The following SRGAP2B variants were observed in gnomAD, a reference collection of about 807,000 sequenced individuals.
The protein encoded by SRGAP2B is SLIT-ROBO Rho GTPase-activating protein 2B.
In SRGAP2B, 9 loss-of-function variants were observed where a neutral mutation model predicts 22.2. The ratio of observed to expected loss-of-function variants is 0.41; its 90% CI spans 0.24 to 0.71. The LOEUF (loss-of-function observed/expected upper bound fraction) is 0.71. SRGAP2B is among the 30% of genes least tolerant of loss of function. The probability of loss-of-function intolerance (pLI) is 0.35; values close to 1 mark genes in which losing one functional copy is unlikely to be tolerated. For synonymous variants in SRGAP2B, 36 were observed against 87.4 expected, an observed-to-expected ratio of 0.41 and a Z score of 3.28; for missense variants, 114 against 235.8, an observed-to-expected ratio of 0.48 and a Z score of 3.38.
At chr1:145,085,134 G>C (rs1308189249) in intron 2 of SRGAP2B, among the ~76,000 whole-genome samples, 1 of 151,684 alleles carries the variant, frequency 6.6e-6, no homozygotes, top group Admixed American at 6.6e-5. Context: ...TAGAGATGAG[G>C]TTTTGCCATG....
chr1:144,921,269 CAAAAAAAAAAAA>C (rs3975927), intron 4 of SRGAP2B, among the ~76,000 whole-genome samples: 1 of 62,304 alleles, frequency 1.6e-5, no homozygotes. Context: ...TCTAGCTTGC[CAAAAAAAAAAAA>C]AAAAAAAAAA....
At position 144,951,164 on chromosome 1, in the gene SRGAP2B, G is replaced by T. The variant is rs868911890; in HGVS notation, c.423+4275C>A. On this transcript the variant is annotated intron_variant, in intron 4 of 9. Coordinates refer to ENST00000612199, the Ensembl canonical transcript of SRGAP2B. ...CTCCCAGCCCTCTGTTTTGTTTTTT[G>T]TTTTTTGTTTTTTGTTTTTTTTTTT... Among the ~76,000 whole-genome samples the T allele has an allele frequency of 4.4e-4, 65 of 149,382 alleles. 3 individuals carry two copies. The South Asian group carries it at 4.6e-3, about 11-fold the overall frequency.
chr1:144,975,203 C>G lies in SRGAP2B; in HGVS notation c.261-19602G>C, dbSNP rs1246512896. On this transcript the variant is annotated intron_variant, in intron 3 of 9. Coordinates refer to ENST00000612199, the Ensembl canonical transcript of SRGAP2B. The stretch of plus-strand genomic sequence containing the variant: ...GGTTTGGCAGTGAGAAATGTCAAGA[C>G]CCCATTCCGGAGAGGAAAACATTAA... Among the ~76,000 whole-genome samples the G allele has an allele frequency of 4.0e-5, 6 of 148,984 alleles. 1 individual carries two copies. The highest frequency in any genetic ancestry group is 7.4e-5 in the Non-Finnish European group (5 of 67,892).
At chr1:144,931,249 T>TA (rs1665158951) in intron 4 of SRGAP2B, among the ~76,000 whole-genome samples, 1 of 150,192 alleles carries the variant, frequency 6.7e-6, no homozygotes, top group Non-Finnish European at 1.5e-5. Flanking sequence ...ACTTAGTACT[T>TA]ACAGACGCTA....
chr1:145,017,294 T>C (rs1672498279), intron 2 of SRGAP2B, among the ~76,000 whole-genome samples: 1 of 150,186 alleles, frequency 6.7e-6, no homozygotes, highest in South Asian at 2.1e-4. Context: ...TGGTTTTAAA[T>C]TATTTTACAG....
At chr1:145,015,616 G>C (rs1231559038) in intron 2 of SRGAP2B, among the ~76,000 whole-genome samples, 3 of 150,318 alleles carry the variant, frequency 2.0e-5, no homozygotes, top group Admixed American at 1.3e-4. Context: ...GGCTCGCAGA[G>C]GAGCTAGACG....
chr1:144,994,600 G>C (rs1242204619), intron 3 of SRGAP2B, among the ~76,000 whole-genome samples: 2 of 148,670 alleles, frequency 1.3e-5, no homozygotes, highest in African/African-American at 5.1e-5. Context: ...GAGAGAGAGA[G>C]AGAGAGAGAG....
intron 5 of SRGAP2B, among the ~76,000 whole-genome samples, chr1:144,911,977 G>A (rs1398216286): frequency 1.5e-5 from 2 of 130,908 alleles, no homozygotes; most frequent in African/African-American, 6.3e-5. Context: ...TTGAGACAGA[G>A]TCTCGCTCTG....
chr1:144,932,580 A>G (rs1375073871), intron 4 of SRGAP2B, among the ~76,000 whole-genome samples: 14 of 146,802 alleles, frequency 9.5e-5, no homozygotes, highest in African/African-American at 3.7e-4. Flanking sequence ...GTATGTTTTT[A>G]TAATTTTTAG....
chr1:145,041,075 GTATATATATA>G (rs370443273), intron 2 of SRGAP2B, among the ~76,000 whole-genome samples: 7 of 76,470 alleles, frequency 9.2e-5, no homozygotes, highest in African/African-American at 2.9e-4. Context: ...TATATATATA[GTATATATATA>G]TATATATATA....
At chr1:144,925,639 GA>G (rs1316512977) in intron 4 of SRGAP2B, among the ~76,000 whole-genome samples, 1,498 of 56,516 alleles carry the variant, frequency 0.027, 25 homozygotes, top group Non-Finnish European at 0.039. Flanking sequence ...GCAAGACTCA[GA>G]AAAAAAAAAA....
At chr1:144,984,534 C>T (rs1482869313) in intron 3 of SRGAP2B, among the ~76,000 whole-genome samples, 4 of 150,514 alleles carry the variant, frequency 2.7e-5, no homozygotes, top group African/African-American at 7.5e-5. Context: ...TCTTCCTGCA[C>T]CAGGTGCTTT....
intron 2 of SRGAP2B, among the ~76,000 whole-genome samples, chr1:145,075,876 T>A (rs1652451254): frequency 6.7e-6 from 1 of 149,218 alleles, no homozygotes; most frequent in Non-Finnish European, 1.5e-5. Flanking sequence ...TCACTTGAGG[T>A]CAGGAGTTCA....
intron 4 of SRGAP2B, among the ~76,000 whole-genome samples, chr1:144,920,886 C>G (rs1257348854): frequency 6.7e-6 from 1 of 150,212 alleles, no homozygotes; most frequent in African/African-American, 2.5e-5. Context: ...AAATAACTTG[C>G]CGTCTTGAAG....
intron 2 of SRGAP2B, among the ~76,000 whole-genome samples, chr1:144,997,454 C>A (rs1553618659): frequency 2.7e-5 from 4 of 149,522 alleles, no homozygotes; most frequent in Non-Finnish European, 5.9e-5. Flanking sequence ...AAAAAAGAAC[C>A]AAGGCGTTTT....
rs1553612241 is a variant in SRGAP2B at position 144,966,337 on chromosome 1, C to T, written c.261-10736G>A. Among the ~76,000 whole-genome samples, 4 of 149,586 alleles carry T rather than the reference C, an allele frequency of 2.7e-5. 1 individual carries two copies. The highest frequency in any genetic ancestry group is 1.0e-4 in the African/African-American group (4 of 39,238). ...CCAGAAGAGAGTGGGGGCCAATATT[C>T]AACATTCTTAAAGAAAAGAATTTTC... On this transcript the variant is annotated intron_variant, in intron 3 of 9. Coordinates refer to ENST00000612199, the Ensembl canonical transcript of SRGAP2B.
chr1:144,975,135 C>G (rs1335564486), intron 3 of SRGAP2B, among the ~76,000 whole-genome samples: 1 of 149,690 alleles, frequency 6.7e-6, no homozygotes, highest in Non-Finnish European at 1.5e-5. Flanking sequence ...ATGGGTCTCT[C>G]ACTTCTCCTG....
At chr1:144,992,255 A>G (rs1670305397) in intron 3 of SRGAP2B, among the ~76,000 whole-genome samples, 2 of 150,752 alleles carry the variant, frequency 1.3e-5, no homozygotes, top group African/African-American at 5.0e-5. Context: ...CACCACCTTA[A>G]GAGCTGTAAC....
At chr1:145,001,692 T>G (rs1313140052) in intron 2 of SRGAP2B, among the ~76,000 whole-genome samples, 1 of 149,144 alleles carries the variant, frequency 6.7e-6, no homozygotes, top group Admixed American at 6.6e-5. Context: ...GTGTGACTGA[T>G]AGTCTTTTTC....
Sources: gnomAD v4.1 joint callset for allele counts (sites outside exome capture counted in the v4.1 genomes callset) on GRCh38, gnomAD v4.1.1 for gene constraint, MANE v1.5 for transcripts, NCBI Gene and HGNC (gene_info 2026-07-23, HGNC 2026-07-21) for gene names.